The following ARMS2 variants were observed in gnomAD, a reference collection of about 807,000 sequenced individuals.
ARMS2 encodes the protein age-related maculopathy susceptibility protein 2.
ARMS2 carries 4 observed loss-of-function variants against 6.0 expected under a neutral mutation model. The ratio of observed to expected loss-of-function variants is 0.67; its 90% CI spans 0.33 to 1.53. ARMS2 has a LOEUF of 1.53. Among genes scored for constraint, ARMS2 ranks in the 40% most tolerant of loss-of-function variants. The probability of loss-of-function intolerance (pLI) is 0.06; values close to 1 mark genes in which losing one functional copy is unlikely to be tolerated. For synonymous variants in ARMS2, 49 were observed against 51.7 expected, an observed-to-expected ratio of 0.95 and a Z score of 0.22; for missense variants, 99 against 127.6, an observed-to-expected ratio of 0.78 and a Z score of 1.08.
chr10:122,455,865 C>T (rs2097476723), intron 1 of ARMS2, among the ~76,000 whole-genome samples: 1 of 151,990 alleles, frequency 6.6e-6, no homozygotes, highest in African/African-American at 2.4e-5. Context: ...CAAGCTGCTC[C>T]CGAGTGACAG....
rs886046771 is a variant in ARMS2 at position 122,456,948 on chromosome 10, A to G, written c.*15A>G. 5.8e-5 allele frequency: 90 copies of G among 1,551,312 alleles called. No homozygotes were observed. The highest frequency in any genetic ancestry group is 7.4e-5 in the Non-Finnish European group (85 of 1,146,908). On this transcript the variant is annotated 3_prime_UTR_variant, in exon 2 of 2. Coordinates refer to ENST00000528446, the MANE Select transcript of ARMS2 (RefSeq NM_001099667.3). ...CAGCAAGGTGATTCTGCCAAAACATATCTCCTTAAAAGCCAACTGGAGCTT... is the reference window on the plus strand; with the variant it reads ...CAGCAAGGTGATTCTGCCAAAACATGTCTCCTTAAAAGCCAACTGGAGCTT...
chr10:122,456,398 G>A (rs1302368861), intron 1 of ARMS2, among the ~76,000 whole-genome samples: 1 of 151,862 alleles, frequency 6.6e-6, no homozygotes, highest in Admixed American at 6.6e-5. Context: ...GCTCATGGCT[G>A]TATACCAGCA....
chr10:122,456,849 C>G lies in ARMS2; in HGVS notation c.298-58C>G, dbSNP rs960438640. 3.3e-6 allele frequency: 5 copies of G among 1,513,480 alleles called. No homozygotes were observed. The East Asian group carries it at 1.3e-4, about 38-fold the overall frequency. 93.8% of individuals were successfully genotyped at this position (1,513,480 alleles called of 1,614,324 possible). On this transcript the variant is annotated intron_variant, in intron 1 of 1. Coordinates refer to ENST00000528446, the MANE Select transcript of ARMS2 (RefSeq NM_001099667.3). ...AACTTAATTTAAAGTGCTCCTCAACCTAAAATATCGTCATGTGTCTTTAAA... is the reference window on the plus strand; with the variant it reads ...AACTTAATTTAAAGTGCTCCTCAACGTAAAATATCGTCATGTGTCTTTAAA...
At position 122,457,078 on chromosome 10, in the gene ARMS2, A is replaced by C; in HGVS notation, c.*145A>C. On this transcript the variant is annotated 3_prime_UTR_variant, in exon 2 of 2. Transcript: ENST00000528446. The stretch of plus-strand genomic sequence containing the variant: ...TCCAGCTGCCTCAACTGTCCACAGG[A>C]CTCTCTTCCCACCTGCGGCCACACT... The C allele has an allele frequency of 9.3e-7, 1 of 1,072,994 alleles. No individual in the cohort carries two copies. The highest frequency in any genetic ancestry group is 2.6e-5 in the East Asian group (1 of 37,744). The allele number at this position is 1,072,994 out of a possible 1,614,324, so 66.5% of individuals were successfully genotyped here.
chr10:122,455,234 T>C (rs1256949365), intron 1 of ARMS2, among the ~76,000 whole-genome samples: 3 of 152,198 alleles, frequency 2.0e-5, no homozygotes, highest in Admixed American at 6.5e-5. Flanking sequence ...ATACTTCCAA[T>C]GCACCTGCTA....
chr10:122,457,131 C>A lies in ARMS2; in HGVS notation c.*198C>A, dbSNP rs766408591. The stretch of plus-strand genomic sequence containing the variant: ...GCAACCTGGAATTTCCCCACCTGGG[C>A]GGACTCATCACGTCATCACCAATTG... On this transcript the variant is annotated 3_prime_UTR_variant, in exon 2 of 2. Transcript: ENST00000528446. The A allele has an allele frequency of 4.8e-6, 3 of 625,342 alleles. No homozygotes were observed. The highest frequency in any genetic ancestry group is 8.2e-6 in the Non-Finnish European group (3 of 367,130). 38.7% of individuals were successfully genotyped at this position (625,342 alleles called of 1,614,324 possible).
At position 122,454,943 on chromosome 10, in the gene ARMS2, C is replaced by T. The variant is rs1257912267; in HGVS notation, c.216C>T (p.His72=). Residue 72 remains histidine, a synonymous_variant, in exon 1 of 2, where the codon CAC becomes CAT. Coordinates refer to ENST00000528446, the MANE Select transcript of ARMS2 (RefSeq NM_001099667.3). ...CCATGATCCCAGCTGCTAAAATCCA[C>T]ACTGAGCTCTGCTTACCAGCCTTCT... ...SHSMIPAAKI[H]TELCLPAFFS... is the part of the protein sequence containing the mutation. The T allele has an allele frequency of 2.5e-6, 4 of 1,613,966 alleles. No homozygotes were observed. Among genetic ancestry groups the T allele is most frequent in the South Asian group, 1.1e-5 (1 of 91,084 alleles).
Position 122,454,772 on chromosome 10 carries a change from G to C in ARMS2, c.45G>C (p.Gly15=). 6.2e-7 allele frequency: 1 copy of C among 1,613,988 alleles called. No individual in the cohort carries two copies. Among genetic ancestry groups the C allele is most frequent in the Non-Finnish European group, 8.5e-7 (1 of 1,179,880 alleles). The stretch of plus-strand genomic sequence containing the variant: ...GACCGATGGTAACTGAGGCGGAGGG[G>C]AAAGGAGGGCCTGAGATGGCAAGTC... ...YPGPMVTEAE[G]KGGPEMASLS... is the part of the protein sequence containing the mutation. The change falls in exon 1 of 2, where the codon GGG becomes GGC. Residue 15 remains glycine, a synonymous_variant. Coordinates refer to ENST00000528446, the MANE Select transcript of ARMS2 (RefSeq NM_001099667.3).
In ARMS2 at chr10:122,454,723, C is replaced by G; in HGVS notation, c.-5C>G. 6.2e-7 allele frequency: 1 copy of G among 1,613,420 alleles called. No individual in the cohort carries two copies. Among genetic ancestry groups the G allele is most frequent in the East Asian group, 2.2e-5 (1 of 44,864 alleles). On this transcript the variant is annotated 5_prime_UTR_variant, in exon 1 of 2. Coordinates refer to ENST00000528446, the MANE Select transcript of ARMS2 (RefSeq NM_001099667.3). ...TTGTCACCACATTATGTCCCTGTACCCTACATGCTGCGCCTATACCCAGGA... is the reference window on the plus strand; with the variant it reads ...TTGTCACCACATTATGTCCCTGTACGCTACATGCTGCGCCTATACCCAGGA...
chr10:122,457,310 AGGC>A lies in ARMS2; in HGVS notation c.*378_*380del, dbSNP rs1330647104. On this transcript the variant is annotated 3_prime_UTR_variant, in exon 2 of 2. Coordinates refer to ENST00000528446, the MANE Select transcript of ARMS2 (RefSeq NM_001099667.3). Reference sequence around the variant, plus strand: ...TGCCCTCCTTTCTCTCCCGGGTGATAGGCATTAACTAAAATTAAATAAAAATTC... The same window carrying A: ...TGCCCTCCTTTCTCTCCCGGGTGATAATTAACTAAAATTAAATAAAAATTC... 0.072 allele frequency: 12,113 copies of A among 168,008 alleles called. 905 individuals carry two copies. The highest frequency in any genetic ancestry group is 0.15 in the East Asian group (854 of 5,804). The allele number at this position is 168,008 out of a possible 1,614,324, so 10.4% of individuals were successfully genotyped here. A position where few individuals can be genotyped will look rare whatever the true frequency, so the allele number is the denominator to read the frequency against.
At position 122,457,287 on chromosome 10, in the gene ARMS2, C is replaced by T; in HGVS notation, c.*354C>T. On this transcript the variant is annotated 3_prime_UTR_variant, in exon 2 of 2. Coordinates refer to ENST00000528446, the MANE Select transcript of ARMS2 (RefSeq NM_001099667.3). ...CTGTCATCCTGCCTTTGTTTTCTTG[C>T]CCTCCTTTCTCTCCCGGGTGATAGG... is the stretch of plus-strand genomic sequence containing the variant. 1 of 269,164 alleles carries T rather than the reference C, an allele frequency of 3.7e-6. No homozygotes were observed. Among genetic ancestry groups the T allele is most frequent in the Non-Finnish European group, 6.9e-6 (1 of 144,572 alleles). The allele number at this position is 269,164 out of a possible 1,614,324, so 16.7% of individuals were successfully genotyped here.
intron 1 of ARMS2, 60 bp downstream of exon 1, chr10:122,455,084 G>GAT: frequency 1.1e-6 from 1 of 938,364 alleles, no homozygotes; most frequent in Non-Finnish European, 1.6e-6. Context: ...ATTCTGGAGT[G>GAT]GTGCCCTGCA....
chr10:122,455,836 G>A (rs956127739), intron 1 of ARMS2, among the ~76,000 whole-genome samples: 5 of 152,002 alleles, frequency 3.3e-5, no homozygotes, highest in African/African-American at 1.2e-4. Flanking sequence ...TGTTCTAAAT[G>A]TGAGCGCGCT....
intron 1 of ARMS2, among the ~76,000 whole-genome samples, chr10:122,456,689 A>G (rs2097477430): frequency 6.6e-6 from 1 of 152,050 alleles, no homozygotes; most frequent in African/African-American, 2.4e-5. Context: ...AAGTATTTTG[A>G]ACTTCCTCAC....
chr10:122,455,025 GTAA>G lies in ARMS2; in HGVS notation c.297+2_297+4del. On this transcript the variant is annotated splice_donor_variant and splice_donor_region_variant and intron_variant, in intron 1 of 1. Transcript: ENST00000528446. LOFTEE classifies it high-confidence loss of function. ...GCAGCCTCAGCACCACCTGACACTGGTAAGAAATGCAGATGATCAGGCCTTACC... is the reference window on the plus strand; with the variant it reads ...GCAGCCTCAGCACCACCTGACACTGGGAAATGCAGATGATCAGGCCTTACC... The G allele has an allele frequency of 2.0e-6, 3 of 1,502,716 alleles. No individual in the cohort carries two copies. The highest frequency in any genetic ancestry group is 2.8e-6 in the Non-Finnish European group (3 of 1,087,108). The allele number at this position is 1,502,716 out of a possible 1,614,324, so 93.1% of individuals were successfully genotyped here.
At position 122,457,240 on chromosome 10, in the gene ARMS2, C is replaced by T; in HGVS notation, c.*307C>T. 3.0e-6 allele frequency: 1 copy of T among 328,264 alleles called. No homozygotes were observed. 20.3% of individuals were successfully genotyped at this position (328,264 alleles called of 1,614,324 possible). On this transcript the variant is annotated 3_prime_UTR_variant, in exon 2 of 2. Transcript: ENST00000528446. Reference sequence around the variant, plus strand: ...CAATCTTCTCCTAACATCTGGATTCCTCTCTGTCACTGCATTCCCTCCTGT... The same window carrying T: ...CAATCTTCTCCTAACATCTGGATTCTTCTCTGTCACTGCATTCCCTCCTGT...
chr10:122,456,252 A>C (rs2097476985), intron 1 of ARMS2, among the ~76,000 whole-genome samples: 1 of 151,736 alleles, frequency 6.6e-6, no homozygotes, highest in Non-Finnish European at 1.5e-5. Flanking sequence ...GGAGTCTCTG[A>C]GCCTACTCTG....
At chr10:122,456,729 A>C (rs1009879852) in intron 1 of ARMS2, among the ~76,000 whole-genome samples, 178 bp from the exon 2 acceptor site, 1 of 152,156 alleles carries the variant, frequency 6.6e-6, no homozygotes, top group Non-Finnish European at 1.5e-5. Context: ...GAGGGGGTCT[A>C]CATTGAAGAG....
intron 1 of ARMS2, among the ~76,000 whole-genome samples, chr10:122,456,267 G>T (rs867998528): frequency 1.3e-5 from 2 of 149,368 alleles, no homozygotes; most frequent in Non-Finnish European, 3.0e-5. Flanking sequence ...ACTCTGGCTC[G>T]AGAGGATGCC....
Sources: gnomAD v4.1 joint callset for allele counts (sites outside exome capture counted in the v4.1 genomes callset) on GRCh38, gnomAD v4.1.1 for gene constraint, MANE v1.5 for transcripts, NCBI Gene and HGNC (gene_info 2026-07-23, HGNC 2026-07-21) for gene names.